The following SHTN1 variants were observed in gnomAD, a reference collection of about 807,000 sequenced individuals.
SHTN1 encodes shootin 1, also known as shootin-1.
SHTN1 carries 42 observed loss-of-function variants against 83.1 expected under a neutral mutation model. The observed-to-expected ratio is 0.51, with a 90% CI of 0.39 to 0.65. SHTN1 has a LOEUF of 0.65. Among genes scored for constraint, SHTN1 ranks in the 30% least tolerant of loss-of-function variants. SHTN1 has a pLI of 0.00. For missense variants in SHTN1, 622 were observed against 737.8 expected (o/e 0.84, Z 1.82); for synonymous variants, 224 against 247.7 (o/e 0.90, Z 0.90).
intron 9 of SHTN1, among the ~76,000 whole-genome samples, chr10:116,931,184 G>A (rs546113878): frequency 6.7e-6 from 1 of 148,156 alleles, no homozygotes; most frequent in East Asian, 2.0e-4. Context: ...ACCATTTTTA[G>A]AAATTATTTT....
At chr10:116,906,579 T>G in intron 15 of SHTN1, 48 bp downstream of exon 15, 2 of 1,532,348 alleles carry the variant, frequency 1.3e-6, no homozygotes, top group Non-Finnish European at 1.8e-6. Flanking sequence ...TAGAAGAAGA[T>G]GTTTCAGAGA....
chr10:116,968,051 G>A (rs1255230158), intron 3 of SHTN1, among the ~76,000 whole-genome samples: 2 of 152,088 alleles, frequency 1.3e-5, no homozygotes, highest in Admixed American at 6.6e-5. Flanking sequence ...GCATGGTGGT[G>A]TGCGCTTGTA....
intron 14 of SHTN1, chr10:116,907,861 A>G: frequency 1.9e-6 from 1 of 517,190 alleles, no homozygotes; most frequent in South Asian, 1.4e-5. Flanking sequence ...CAGCCTTTGT[A>G]ATGTTTGAAC....
At chr10:117,071,393 T>G (rs1220164535) in intron 1 of SHTN1, among the ~76,000 whole-genome samples, 5 of 152,210 alleles carry the variant, frequency 3.3e-5, no homozygotes, top group Non-Finnish European at 5.9e-5. Flanking sequence ...AATCTGCATG[T>G]CAGGAACTAT....
intron 1 of SHTN1, among the ~76,000 whole-genome samples, chr10:117,095,977 C>A (rs897532209): frequency 1.3e-5 from 2 of 152,180 alleles, no homozygotes; most frequent in African/African-American, 2.4e-5. Flanking sequence ...TGAGAACTCA[C>A]AACCCAAATA....
At chr10:117,093,372 T>G (rs932439347) in intron 1 of SHTN1, among the ~76,000 whole-genome samples, 2 of 151,886 alleles carry the variant, frequency 1.3e-5, no homozygotes, top group African/African-American at 4.8e-5. Context: ...AAGGCATTAT[T>G]ATTAATAACT....
At chr10:116,943,527 T>C (rs1279718156) in intron 8 of SHTN1, among the ~76,000 whole-genome samples, 1 of 152,266 alleles carries the variant, frequency 6.6e-6, no homozygotes, top group Non-Finnish European at 1.5e-5. Flanking sequence ...CAGAGAGCTC[T>C]GACACACTTC....
intron 11 of SHTN1, among the ~76,000 whole-genome samples, chr10:116,925,678 C>G (rs1490744975): frequency 6.6e-6 from 1 of 152,194 alleles, no homozygotes; most frequent in Non-Finnish European, 1.5e-5. Flanking sequence ...CCTCAACCCT[C>G]TCCCCATGAA....
chr10:116,963,875 G>T (rs567716922), intron 3 of SHTN1, among the ~76,000 whole-genome samples: 24 of 151,964 alleles, frequency 1.6e-4, no homozygotes, highest in African/African-American at 5.8e-4. Context: ...GTTTCTATTA[G>T]TCTACTTGAA....
At chr10:116,999,397 T>C (rs1018774499) in intron 1 of SHTN1, among the ~76,000 whole-genome samples, 2 of 152,316 alleles carry the variant, frequency 1.3e-5, no homozygotes, top group South Asian at 2.1e-4. Flanking sequence ...ATTGTCAATG[T>C]AGTGATTTCA....
chr10:117,074,324 A>G (rs912720151), intron 1 of SHTN1, among the ~76,000 whole-genome samples: 2 of 152,172 alleles, frequency 1.3e-5, no homozygotes, highest in Non-Finnish European at 2.9e-5. Context: ...CATGTTTAAT[A>G]ACAAATTCAT....
rs148868232 is a variant in SHTN1, at chr10:117,119,214, G to A, written c.-189+7093C>T. Among the ~76,000 whole-genome samples the A allele has an allele frequency of 4.2e-4, 64 of 152,264 alleles. 1 individual carries two copies. The East Asian group carries it at 0.011, about 27-fold the overall frequency. On this transcript the variant is annotated intron_variant, in intron 1 of 17. Transcript: ENST00000392901. Reference sequence around the variant, plus strand: ...GAAGGATAAAGAGAAGTTGATTAATGAGTACAAACATATGGTTTGACAATT... The same window carrying A: ...GAAGGATAAAGAGAAGTTGATTAATAAGTACAAACATATGGTTTGACAATT...
intron 1 of SHTN1, among the ~76,000 whole-genome samples, chr10:117,104,279 A>AT (rs146726387): frequency 0.028 from 4,199 of 151,968 alleles, 131 homozygotes; most frequent in East Asian, 0.12. Flanking sequence ...CCCAGTAATA[A>AT]TTTTTTTCTT....
intron 8 of SHTN1, among the ~76,000 whole-genome samples, chr10:116,942,193 G>A (rs1423024969): frequency 6.6e-6 from 1 of 150,450 alleles, no homozygotes; most frequent in Non-Finnish European, 1.5e-5. Context: ...AATTGTTTTG[G>A]GTGACCATTA....
chr10:116,937,553 C>A (rs1224333092), intron 9 of SHTN1, among the ~76,000 whole-genome samples: 1 of 152,146 alleles, frequency 6.6e-6, no homozygotes, highest in African/African-American at 2.4e-5. Context: ...CTGGGCTTCC[C>A]TTTGTGGGTA....
intron 16 of SHTN1, among the ~76,000 whole-genome samples, chr10:116,894,581 G>A (rs1847447002): frequency 6.6e-6 from 1 of 152,260 alleles, no homozygotes; most frequent in South Asian, 2.1e-4. Flanking sequence ...TGACCAAGAC[G>A]ACACAGCTAT....
chr10:117,002,473 G>A (rs1251493304), intron 1 of SHTN1, among the ~76,000 whole-genome samples: 1 of 152,126 alleles, frequency 6.6e-6, no homozygotes, highest in East Asian at 1.9e-4. Context: ...ACTAAATAGG[G>A]GTAGTGGAAT....
At position 116,900,832 on chromosome 10, in the gene SHTN1, C is replaced by A. The variant is rs2133322318; in HGVS notation, c.1673+933G>T. The stretch of plus-strand genomic sequence containing the variant: ...GAAATTAGATAAAACTGTAAATCAG[C>A]AAAGAAGGCCATTCATTCCAGAAGA... On this transcript the variant is annotated intron_variant, in intron 16 of 16. Coordinates refer to ENST00000355371, the MANE Select transcript of SHTN1 (RefSeq NM_001127211.3). 4 of 985,154 alleles carry A rather than the reference C, an allele frequency of 4.1e-6. No homozygotes were observed. In the South Asian group the frequency reaches 1.9e-4, roughly 46 times the overall value. The allele number at this position is 985,154 out of a possible 1,614,324, so 61.0% of individuals were successfully genotyped here. A position where few individuals can be genotyped will look rare whatever the true frequency, so the allele number is the denominator to read the frequency against.
intron 1 of SHTN1, among the ~76,000 whole-genome samples, chr10:117,104,055 G>T (rs1244122194): frequency 6.6e-6 from 1 of 152,170 alleles, no homozygotes; most frequent in Non-Finnish European, 1.5e-5. Context: ...AGATGGGGAA[G>T]CTGAGGCTCA....
Sources: gnomAD v4.1 joint callset for allele counts (sites outside exome capture counted in the v4.1 genomes callset) on GRCh38, gnomAD v4.1.1 for gene constraint, MANE v1.5 for transcripts, NCBI Gene and HGNC (gene_info 2026-07-23, HGNC 2026-07-21) for gene names.